The following CAST variants were observed in gnomAD, a reference collection of about 807,000 sequenced individuals.
CAST encodes the protein MIR583 host.
Under a neutral mutation model 119.6 loss-of-function variants are expected in CAST, and 76 were observed. The ratio of observed to expected loss-of-function variants is 0.64; its 90% CI spans 0.53 to 0.77. CAST has a LOEUF of 0.77. Ranked by LOEUF, CAST falls within the 30% of genes least tolerant of loss-of-function variation. The pLI is 0.00. For missense variants in CAST, 953 were observed against 946.5 expected (o/e 1.01, Z -0.09); for synonymous variants, 319 against 331.6 (o/e 0.96, Z 0.41).
chr5:96,275,603 C>T, the CAST span, among the ~76,000 whole-genome samples: 2 of 152,180 alleles, frequency 1.3e-5, no homozygotes, highest in Non-Finnish European at 2.9e-5. Context: ...ATTCTCTGCT[C>T]TCACCCCTTT....
chr5:96,395,242 T>A, the CAST span, among the ~76,000 whole-genome samples: 5 of 152,326 alleles, frequency 3.3e-5, no homozygotes, highest in East Asian at 9.6e-4. Context: ...AACATTTAAT[T>A]TAAAAATCAG....
At chr5:96,384,125 G>T in the CAST span, among the ~76,000 whole-genome samples, 1 of 151,902 alleles carries the variant, frequency 6.6e-6, no homozygotes, top group Admixed American at 6.6e-5. Flanking sequence ...AGAAGAGGAG[G>T]TATCTCTTCT....
At chr5:96,381,166 A>G in the CAST span, among the ~76,000 whole-genome samples, 46,502 of 152,074 alleles carry the variant, frequency 0.31, 7,816 homozygotes, top group Admixed American at 0.42. Flanking sequence ...CACTGAAGAG[A>G]TTTGCAAAAA....
At chr5:96,768,032 A>ATG (rs747287648) in intron 29 of CAST, 33 bp downstream of exon 29, 47 of 1,343,674 alleles carry the variant, frequency 3.5e-5, no homozygotes, top group East Asian at 3.0e-4. Context: ...ACTCTTTGAA[A>ATG]TGTGTGTGTG....
chr5:96,142,617 T>C, the CAST span, among the ~76,000 whole-genome samples: 1 of 152,234 alleles, frequency 6.6e-6, no homozygotes, highest in Non-Finnish European at 1.5e-5. Context: ...TGTATTTCCT[T>C]GTCATTGAAT....
chr5:96,553,182 A>G (rs934657175), intron 1 of CAST, among the ~76,000 whole-genome samples: 2 of 152,186 alleles, frequency 1.3e-5, no homozygotes, highest in Non-Finnish European at 2.9e-5. Flanking sequence ...GGCAAACCGA[A>G]TCCAGCAGCA....
At chr5:96,660,441 C>T (rs1051067413), upstream of CAST, among the ~76,000 whole-genome samples, 1 of 152,210 alleles carries the variant, frequency 6.6e-6, no homozygotes, top group Non-Finnish European at 1.5e-5. Flanking sequence ...CTCTATATCT[C>T]TCCTTCTACT....
chr5:96,243,143 C>CT, the CAST span, among the ~76,000 whole-genome samples: 1 of 150,406 alleles, frequency 6.6e-6, no homozygotes, highest in Non-Finnish European at 1.5e-5. Context: ...AAGTACTTCC[C>CT]ATTATAATAG....
At chr5:96,054,553 T>G in the CAST span, among the ~76,000 whole-genome samples, 1 of 152,186 alleles carries the variant, frequency 6.6e-6, no homozygotes, top group Non-Finnish European at 1.5e-5. Context: ...TGGTAGGTTT[T>G]GCTTTTAATT....
At chr5:96,022,473 C>T in the CAST span, among the ~76,000 whole-genome samples, 1 of 152,256 alleles carries the variant, frequency 6.6e-6, no homozygotes, top group African/African-American at 2.4e-5. Context: ...GTGTGCACAG[C>T]CAAACACTGG....
At chr5:96,766,178 T>C (rs763644620) in intron 27 of CAST, 33 bp downstream of exon 27, 3 of 1,191,206 alleles carry the variant, frequency 2.5e-6, no homozygotes, top group Non-Finnish European at 3.7e-6. Context: ...ATCGGATTTA[T>C]GCTACCAAGA....
At chr5:96,365,175 T>A in the CAST span, among the ~76,000 whole-genome samples, 1 of 152,246 alleles carries the variant, frequency 6.6e-6, no homozygotes, top group African/African-American at 2.4e-5. Flanking sequence ...TTGATTGCAC[T>A]GTGGTCTGAG....
At chr5:96,695,699 T>C (rs1753201102) in intron 2 of CAST, 137 bp from the exon 3 acceptor site, 1 of 516,286 alleles carries the variant, frequency 1.9e-6, no homozygotes, top group East Asian at 3.3e-5. Flanking sequence ...ATTCAAAGCA[T>C]ATGTTTACTT....
the CAST span, among the ~76,000 whole-genome samples, chr5:96,225,007 G>A: frequency 6.6e-6 from 1 of 152,206 alleles, no homozygotes; most frequent in Non-Finnish European, 1.5e-5. Context: ...TGATTCAAGG[G>A]TGAAGGCCCA....
At chr5:95,988,113 G>A in the CAST span, among the ~76,000 whole-genome samples, 2 of 152,166 alleles carry the variant, frequency 1.3e-5, no homozygotes, top group African/African-American at 4.8e-5. Context: ...GGGCAGAAAA[G>A]TAAAGGAAAT....
At chr5:96,467,852 T>C in the CAST span, among the ~76,000 whole-genome samples, 2 of 151,990 alleles carry the variant, frequency 1.3e-5, no homozygotes, top group African/African-American at 4.8e-5. Flanking sequence ...TAAAAGTAGA[T>C]CTACTGTTCG....
At chr5:96,143,728 G>A in the CAST span, among the ~76,000 whole-genome samples, 2 of 152,108 alleles carry the variant, frequency 1.3e-5, no homozygotes, top group Non-Finnish European at 2.9e-5. Flanking sequence ...GGACAAGCTT[G>A]TAAAAAAAAG....
intron 1 of CAST, among the ~76,000 whole-genome samples, chr5:96,545,666 A>G (rs2150180924): frequency 6.6e-6 from 1 of 152,186 alleles, no homozygotes; most frequent in East Asian, 1.9e-4. Flanking sequence ...CAGCCTTAGT[A>G]AGAAGTCTAT....
the CAST span, among the ~76,000 whole-genome samples, chr5:96,329,472 C>T: frequency 1.3e-5 from 2 of 152,272 alleles, no homozygotes; most frequent in Admixed American, 6.5e-5. Context: ...TGCTCCTGCC[C>T]ACAGATGCTG....
Sources: allele counts gnomAD v4.1 joint callset (sites outside exome capture counted in the v4.1 genomes callset), GRCh38; gene constraint gnomAD v4.1.1; transcripts MANE v1.5; gene names NCBI Gene and HGNC (gene_info 2026-07-23, HGNC 2026-07-21).